Variants in NAV2 observed in about 807,000 individuals in gnomAD.
The protein encoded by NAV2 is neuron navigator 2, also known as helicase, APC down-regulated 1.
NAV2 carries 54 observed loss-of-function variants against 223.2 expected under a neutral mutation model. The ratio of observed to expected loss-of-function variants is 0.24; its 90% confidence interval spans 0.19 to 0.30. The LOEUF (loss-of-function observed/expected upper bound fraction) is 0.30. NAV2 is among the 10% of genes least tolerant of loss of function. The pLI is 1.00. For synonymous variants in NAV2, 1,279 were observed against 1,239.3 expected, an observed-to-expected ratio of 1.03 and a Z score of -0.67; for missense variants, 2,806 against 3,147.5, an observed-to-expected ratio of 0.89 and a Z score of 2.60.
intron 37 of NAV2, among the ~76,000 whole-genome samples, chr11:20,116,964 G>A (rs1205373520): frequency 2.0e-5 from 3 of 152,192 alleles, no homozygotes; most frequent in African/African-American, 4.8e-5. Flanking sequence ...CAGTTGCCAA[G>A]GATTGTCCAT....
intron 12 of NAV2, among the ~76,000 whole-genome samples, chr11:20,041,296 T>C (rs2056898886): frequency 6.6e-6 from 1 of 152,232 alleles, no homozygotes. Flanking sequence ...TTCCTCACTA[T>C]GTGATCTTGG....
At position 20,044,177 on chromosome 11, in the gene NAV2, G is replaced by C. The variant is rs771443047; in HGVS notation, c.3104G>C (p.Gly1035Ala). The change falls in exon 13 of 38, where the codon GGC becomes GCC. Residue 1035 changes from glycine (G) to alanine (A), a missense_variant. Gly to Ala is a moderately conservative substitution (Grantham distance 60). Around this residue, in one of 4 missense-constraint regions of NAV2, gnomAD observed 742 missense variants for 777.9 expected, o/e 0.95. Coordinates refer to ENST00000349880, the MANE Select transcript of NAV2 (RefSeq NM_145117.5). ...GKKNPVISQTGSWRRGMTAQV... is the reference protein window; with the variant it reads ...GKKNPVISQTASWRRGMTAQV... ...AAGAATCCTGTCATCTCCCAGACAG[G>C]CTCATGGCGGCGAGGCATGACAGCT... 3 of 1,614,202 alleles carry C rather than the reference G, an allele frequency of 1.9e-6. No homozygotes were observed. Among genetic ancestry groups the C allele is most frequent in the Non-Finnish European group, 2.5e-6 (3 of 1,180,036 alleles).
At chr11:20,005,344 C>T (rs1296475885) in intron 11 of NAV2, among the ~76,000 whole-genome samples, 1 of 150,948 alleles carries the variant, frequency 6.6e-6, no homozygotes, top group Non-Finnish European at 1.5e-5. Flanking sequence ...TTCCCGGGTT[C>T]AAGCAATTCT....
rs773425195 is a variant in NAV2, at chr11:19,933,929, G to A, written c.1685G>A (p.Ser562Asn). The A allele has an allele frequency of 1.8e-5, 28 of 1,592,220 alleles. No homozygotes were observed. Among genetic ancestry groups the A allele is most frequent in the South Asian group, 2.3e-5 (2 of 87,902 alleles). ...AAGGAGCCCATGGCCCCTTCCCACA[G>A]TGGAATACCAAAACCAGGAATGAAA... The part of the protein sequence containing the change: ...AKKEPMAPSH[S>N]GIPKPGMKSM... The change falls in exon 7 of 38, where the codon AGT (serine) becomes AAT (asparagine). Residue 562 changes from serine (S) to asparagine (N), a missense_variant. By Grantham distance (46) the Ser-to-Asn change is conservative. This residue lies in a region of NAV2 where 1,167 missense variants were observed against 1,180.5 expected (regional missense o/e 0.99). Transcript: ENST00000349880. This position sits in a 1 kb window ranked among gnomAD's most constrained non-coding sequence, Gnocchi z 4.3.
intron 1 of NAV2, among the ~76,000 whole-genome samples, chr11:19,661,251 A>G (rs1215571057): frequency 6.6e-6 from 1 of 152,176 alleles, no homozygotes; most frequent in Non-Finnish European, 1.5e-5. Flanking sequence ...TTTAAGGCTC[A>G]TCTATGTTGT....
intron 8 of NAV2, among the ~76,000 whole-genome samples, chr11:19,944,922 C>A (rs985605569): frequency 7.0e-6 from 1 of 143,842 alleles, no homozygotes; most frequent in Admixed American, 7.0e-5. Context: ...CTCTTTCTTT[C>A]TTTTCTTTTC....
intron 1 of NAV2, among the ~76,000 whole-genome samples, chr11:19,715,910 T>G (rs1376235196): frequency 6.6e-6 from 1 of 152,192 alleles, no homozygotes; most frequent in Non-Finnish European, 1.5e-5. Context: ...CTGCCTGCCC[T>G]CGTTTGCCAG....
At chr11:19,646,676 TACA>T (rs959395003) in intron 1 of NAV2, among the ~76,000 whole-genome samples, 3 of 152,136 alleles carry the variant, frequency 2.0e-5, no homozygotes, top group Admixed American at 2.0e-4. Context: ...CAGGTAATCA[TACA>T]ACAATTTTCA....
In NAV2 at chr11:19,998,620, C is replaced by T. The variant is rs2403552; in HGVS notation, c.2768+14373C>T. 0.26 allele frequency among the ~76,000 whole-genome samples: 39,465 copies of T among 151,992 alleles called. 6,245 individuals carry two copies. The highest frequency in any genetic ancestry group is 0.44 in the Middle Eastern group (128 of 294). ...TCACGCTTTACCTCCCTGACTCCTGCCTTCATCCATTCCCCTGGACGTGCC... is the reference window on the plus strand; with the variant it reads ...TCACGCTTTACCTCCCTGACTCCTGTCTTCATCCATTCCCCTGGACGTGCC... On this transcript the variant is annotated intron_variant, in intron 11 of 37. Coordinates refer to ENST00000349880, the MANE Select transcript of NAV2 (RefSeq NM_145117.5). This position sits in a 1 kb window ranked among gnomAD's most constrained non-coding sequence, Gnocchi z 5.0.
intron 1 of NAV2, among the ~76,000 whole-genome samples, chr11:19,402,973 G>C (rs566843364): frequency 6.6e-6 from 1 of 152,226 alleles, no homozygotes; most frequent in African/African-American, 2.4e-5. Flanking sequence ...TAATGCAATC[G>C]GGAGTGGCGG....
intron 1 of NAV2, among the ~76,000 whole-genome samples, chr11:19,754,949 A>C (rs1442391717): frequency 6.6e-6 from 1 of 151,962 alleles, no homozygotes; most frequent in Non-Finnish European, 1.5e-5. Context: ...CTTTCCTGTG[A>C]ACTCTGCATT....
rs1359415737 is a variant in NAV2 at position 19,713,947 on chromosome 11, C to T, written c.252C>T (p.Asn84=). 9.3e-6 allele frequency: 15 copies of T among 1,612,678 alleles called. No homozygotes were observed. Among genetic ancestry groups the T allele is most frequent in the East Asian group, 2.2e-5 (1 of 44,844 alleles). The change falls in exon 1 of 38, where the codon AAC becomes AAT. Residue 84 remains asparagine, a synonymous_variant. Coordinates refer to ENST00000349880, the MANE Select transcript of NAV2 (RefSeq NM_145117.5). The surrounding 1 kb of genome is among the most constrained non-coding windows in gnomAD (Gnocchi z 7.2). ...LPLRKSGSVE[N]GFDTQIYTDW... is the part of the protein sequence containing the mutation. ...TGCGGAAGAGCGGCTCGGTGGAAAA[C>T]GGGTTCGATACCCAGGTGAGAGATG...
At chr11:19,404,070 G>A (rs2133337013) in intron 1 of NAV2, among the ~76,000 whole-genome samples, 1 of 152,246 alleles carries the variant, frequency 6.6e-6, no homozygotes, top group East Asian at 1.9e-4. Context: ...GCAAAGGTGG[G>A]GGCAGATTCT....
chr11:19,814,552 CT>C (rs1365093591), intron 1 of NAV2, among the ~76,000 whole-genome samples: 2 of 152,190 alleles, frequency 1.3e-5, no homozygotes, highest in Non-Finnish European at 2.9e-5. Flanking sequence ...CAGACAGTTA[CT>C]GTAACTCAGG....
Position 19,626,666 on chromosome 11 carries a change from G to A in NAV2, c.76-205818G>A, listed in dbSNP as rs564206138. Among the ~76,000 whole-genome samples the A allele has an allele frequency of 8.5e-5, 13 of 152,188 alleles. No individual in the cohort carries two copies. In the East Asian group the frequency reaches 2.3e-3, roughly 27 times the overall value. Reference sequence around the variant, plus strand: ...TAATGCTTCTGATCCATGAGTATGGGATGTCTTTCCAGTTGTTTGCATCTT... The same window carrying A: ...TAATGCTTCTGATCCATGAGTATGGAATGTCTTTCCAGTTGTTTGCATCTT... On this transcript the variant is annotated intron_variant, in intron 1 of 37. Transcript: ENST00000360655.
intron 1 of NAV2, among the ~76,000 whole-genome samples, chr11:19,447,055 C>T (rs968735658): frequency 6.6e-6 from 1 of 152,196 alleles, no homozygotes; most frequent in East Asian, 1.9e-4. Flanking sequence ...TATGTATCCC[C>T]TCCCCGGAAT....
chr11:19,443,467 A>G (rs1455930733), intron 1 of NAV2, among the ~76,000 whole-genome samples: 1 of 152,188 alleles, frequency 6.6e-6, no homozygotes, highest in Non-Finnish European at 1.5e-5. Flanking sequence ...TGTCCTTGCA[A>G]ATCTTTTGCA....
chr11:19,459,393 A>G (rs1280091828), intron 1 of NAV2, among the ~76,000 whole-genome samples: 1 of 152,232 alleles, frequency 6.6e-6, no homozygotes, highest in Non-Finnish European at 1.5e-5. Context: ...TGCCTTAGCC[A>G]GAGTCCTGGG....
At chr11:20,070,780 C>T (rs1313312759) in intron 22 of NAV2, among the ~76,000 whole-genome samples, 1 of 152,058 alleles carries the variant, frequency 6.6e-6, no homozygotes, top group African/African-American at 2.4e-5. Flanking sequence ...TGGCTCTGAA[C>T]CAGGCTTGGA....
Sources: gnomAD v4.1 joint callset for allele counts (sites outside exome capture counted in the v4.1 genomes callset) on GRCh38, gnomAD v4.1.1 for gene constraint, gnomAD v4.1.1 regional missense constraint, Gnocchi (gnomAD v3.1) non-coding constraint, MANE v1.5 for transcripts, NCBI Gene and HGNC (gene_info 2026-07-23, HGNC 2026-07-21) for gene names.